Variants in DPYD observed in about 807,000 individuals in gnomAD.
DPYD encodes the protein dihydropyrimidine dehydrogenase [NADP(+)].
DPYD carries 109 observed loss-of-function variants against 116.2 expected under a neutral mutation model. The observed-to-expected ratio is 0.94, with a 90% confidence interval of 0.80 to 1.10. DPYD has a LOEUF of 1.10. Among genes scored for constraint, DPYD ranks in the 50% least tolerant of loss-of-function variants. The probability of loss-of-function intolerance (pLI) is 0.00; values close to 1 mark genes in which losing one functional copy is unlikely to be tolerated. For missense variants in DPYD, 1,302 were observed against 1,254.5 expected, an observed-to-expected ratio of 1.04 and a Z score of -0.57; for synonymous variants, 440 against 432.0, an observed-to-expected ratio of 1.02 and a Z score of -0.23.
At chr1:97,349,393 C>A (rs547916195) in intron 16 of DPYD, among the ~76,000 whole-genome samples, 141 of 151,188 alleles carry the variant, frequency 9.3e-4, no homozygotes, top group Non-Finnish European at 1.3e-3. Context: ...ATGTGCACAA[C>A]GTGCAGGTTT....
intron 21 of DPYD, among the ~76,000 whole-genome samples, chr1:97,091,455 TG>T (rs1649892118): frequency 6.6e-6 from 1 of 152,156 alleles, no homozygotes; most frequent in Non-Finnish European, 1.5e-5. Context: ...ATGGCGTGCC[TG>T]GGTGTGTGCT....
intron 13 of DPYD, among the ~76,000 whole-genome samples, chr1:97,463,571 G>A (rs1677139857): frequency 6.6e-6 from 1 of 152,162 alleles, no homozygotes; most frequent in African/African-American, 2.4e-5. Flanking sequence ...TGGATAGCAG[G>A]CAGAGGCTGG....
intron 20 of DPYD, among the ~76,000 whole-genome samples, chr1:97,184,711 A>T (rs986692261): frequency 2.0e-5 from 3 of 152,140 alleles, no homozygotes; most frequent in Non-Finnish European, 2.9e-5. Context: ...TAGAAACAGA[A>T]CTATTATTGT....
At chr1:97,474,831 C>A (rs1390529541) in intron 13 of DPYD, among the ~76,000 whole-genome samples, 1 of 151,698 alleles carries the variant, frequency 6.6e-6, no homozygotes, top group Non-Finnish European at 1.5e-5. Flanking sequence ...ATATAGAATT[C>A]TATAATTAAT....
chr1:97,079,930 G>A (rs565377734), intron 22 of DPYD, among the ~76,000 whole-genome samples: 3 of 151,626 alleles, frequency 2.0e-5, no homozygotes, highest in South Asian at 4.2e-4. Context: ...TGTAGAATAA[G>A]CAATTAAGAA....
At chr1:97,135,992 T>C (rs1349490244) in intron 20 of DPYD, among the ~76,000 whole-genome samples, 1 of 152,110 alleles carries the variant, frequency 6.6e-6, no homozygotes, top group African/African-American at 2.4e-5. Flanking sequence ...TTTGATAGAG[T>C]CCAGTTCCCT....
intron 20 of DPYD, among the ~76,000 whole-genome samples, chr1:97,133,795 C>T (rs1355051142): frequency 1.3e-5 from 2 of 151,006 alleles, no homozygotes; most frequent in Non-Finnish European, 2.9e-5. Context: ...GTCAGGAGTT[C>T]GAGACCAGCC....
At chr1:97,372,251 C>G (rs10875078) in intron 16 of DPYD, among the ~76,000 whole-genome samples, 75,551 of 152,008 alleles carry the variant, frequency 0.5, 19,121 homozygotes, top group South Asian at 0.68. Flanking sequence ...CTGAGATTCA[C>G]AGACTGTGAA....
intron 19 of DPYD, among the ~76,000 whole-genome samples, chr1:97,216,820 A>G (rs12046655): frequency 0.25 from 37,304 of 151,924 alleles, 4,925 homozygotes; most frequent in South Asian, 0.53. Flanking sequence ...AAAGTGTTTG[A>G]GAAGAGGATG....
At chr1:97,745,833 G>A (rs1328950553) in intron 3 of DPYD, among the ~76,000 whole-genome samples, 3 of 151,976 alleles carry the variant, frequency 2.0e-5, no homozygotes, top group South Asian at 2.1e-4. Context: ...TCCCATCTAC[G>A]TACAAAAACA....
chr1:97,650,581 T>C (rs536385029), intron 8 of DPYD, among the ~76,000 whole-genome samples: 2 of 152,282 alleles, frequency 1.3e-5, no homozygotes, highest in South Asian at 2.1e-4. Flanking sequence ...CTAAATTCTG[T>C]TGATCTGGAG....
At position 97,515,906 on chromosome 1, in the gene DPYD, T is replaced by C. The variant is rs138979515; in HGVS notation, c.1560A>G (p.Glu520=). 13 of 1,612,698 alleles carry C rather than the reference T, an allele frequency of 8.1e-6. No individual in the cohort carries two copies. The highest frequency in any genetic ancestry group is 8.5e-6 in the Non-Finnish European group (10 of 1,179,178). ...QYGASVSAKP[E]LPLFYTPIDL... ...CAATAGGAGTGTAAAAGAGGGGTAG[T>C]TCAGGCTTGGCAGAAACGGAAGCTC... The change falls in exon 13 of 23, where the codon GAA becomes GAG. Residue 520 remains glutamate, a synonymous_variant. Coordinates refer to ENST00000370192, the MANE Select transcript of DPYD (RefSeq NM_000110.4).
chr1:97,561,354 C>A (rs2786538), intron 11 of DPYD, among the ~76,000 whole-genome samples: 3,857 of 152,208 alleles, frequency 0.025, 162 homozygotes, highest in African/African-American at 0.088. Flanking sequence ...ATTTTCAGTA[C>A]AGACATTTAG....
intron 18 of DPYD, among the ~76,000 whole-genome samples, chr1:97,302,788 A>T (rs1666941177): frequency 6.6e-6 from 1 of 152,062 alleles, no homozygotes; most frequent in Admixed American, 6.6e-5. Context: ...AACTATATGC[A>T]AAGCATTCTG....
At chr1:97,503,110 T>C (rs923756452) in intron 13 of DPYD, among the ~76,000 whole-genome samples, 7 of 152,058 alleles carry the variant, frequency 4.6e-5, no homozygotes, top group African/African-American at 1.7e-4. Flanking sequence ...TCTAGCCTTC[T>C]GCATGCAAGC....
intron 16 of DPYD, among the ~76,000 whole-genome samples, chr1:97,324,152 G>GT: frequency 6.6e-6 from 1 of 151,958 alleles, no homozygotes; most frequent in South Asian, 2.1e-4. Flanking sequence ...GAGCCTTTTC[G>GT]TTTTTTGCCC....
chr1:97,229,106 A>G (rs1209105271), intron 19 of DPYD, among the ~76,000 whole-genome samples: 1 of 149,314 alleles, frequency 6.7e-6, no homozygotes, highest in Non-Finnish European at 1.5e-5. Context: ...TGGGAGGCTG[A>G]GGCAGGAGAA....
At chr1:97,705,863 T>C (rs1661914840) in intron 5 of DPYD, among the ~76,000 whole-genome samples, 1 of 152,052 alleles carries the variant, frequency 6.6e-6, no homozygotes, top group Admixed American at 6.6e-5. Flanking sequence ...GTGGTTTTGA[T>C]TTGCATTTCT....
At chr1:97,827,227 G>A (rs1351027499) in intron 3 of DPYD, among the ~76,000 whole-genome samples, 1 of 151,952 alleles carries the variant, frequency 6.6e-6, no homozygotes, top group Non-Finnish European at 1.5e-5. Context: ...AATCTCTTTA[G>A]CCTTAACATC....
Sources: allele counts gnomAD v4.1 joint callset (sites outside exome capture counted in the v4.1 genomes callset), GRCh38; gene constraint gnomAD v4.1.1; transcripts MANE v1.5; gene names NCBI Gene and HGNC (gene_info 2026-07-23, HGNC 2026-07-21).